Variants in CREB5 observed in about 807,000 individuals in gnomAD.
The protein encoded by CREB5 is cyclic AMP-responsive element-binding protein 5.
In CREB5, 19 loss-of-function variants were observed where a neutral mutation model predicts 57.1. The observed-to-expected ratio is 0.33, with a 90% CI of 0.23 to 0.49. CREB5 has a LOEUF of 0.49. Ranked by LOEUF, CREB5 falls within the 20% of genes least tolerant of loss-of-function variation. The probability of loss-of-function intolerance (pLI) is 0.99; values close to 1 mark genes in which losing one functional copy is unlikely to be tolerated. For missense variants in CREB5, 579 were observed against 671.6 expected (o/e 0.86, Z 1.52); for synonymous variants, 238 against 238.3 (o/e 1.00, Z 0.01).
At chr7:28,721,648 A>T (rs1350820018) in intron 6 of CREB5, among the ~76,000 whole-genome samples, 1 of 152,204 alleles carries the variant, frequency 6.6e-6, no homozygotes, top group Non-Finnish European at 1.5e-5. Context: ...AAAATGATGT[A>T]TTATTTCATT....
At chr7:28,655,566 G>T (rs1053633750) in intron 5 of CREB5, among the ~76,000 whole-genome samples, 1 of 152,106 alleles carries the variant, frequency 6.6e-6, no homozygotes, top group African/African-American at 2.4e-5. Context: ...TGTGAGCTGC[G>T]TTCATGCCAC....
intron 1 of CREB5, among the ~76,000 whole-genome samples, chr7:28,470,679 T>C (rs1166800754): frequency 6.6e-6 from 1 of 152,230 alleles, no homozygotes; most frequent in African/African-American, 2.4e-5. Context: ...ATTGTACTAA[T>C]TTACATTCCC....
chr7:28,776,443 A>G (rs1335729744), intron 7 of CREB5, among the ~76,000 whole-genome samples: 8 of 152,098 alleles, frequency 5.3e-5, no homozygotes, highest in Non-Finnish European at 1.0e-4. Flanking sequence ...AGAATTTGAC[A>G]TGAAAAATTT....
chr7:28,317,077 G>A (rs1785397658), intron 1 of CREB5, among the ~76,000 whole-genome samples: 1 of 150,510 alleles, frequency 6.6e-6, no homozygotes, highest in South Asian at 2.1e-4. Flanking sequence ...TAGGTACTTG[G>A]CAGAAATACA....
chr7:28,789,615 T>A (rs1329249318), intron 7 of CREB5, among the ~76,000 whole-genome samples: 1 of 152,224 alleles, frequency 6.6e-6, no homozygotes, highest in Non-Finnish European at 1.5e-5. Context: ...AGATCAAAAT[T>A]AAGCAAAGAG....
At chr7:28,661,866 A>T (rs555970022) in intron 5 of CREB5, among the ~76,000 whole-genome samples, 2 of 152,362 alleles carry the variant, frequency 1.3e-5, no homozygotes, top group African/African-American at 4.8e-5. Context: ...GGCAAATTGT[A>T]AACATTATAA....
intron 5 of CREB5, among the ~76,000 whole-genome samples, chr7:28,644,915 T>A (rs1294375827): frequency 2.0e-5 from 3 of 152,162 alleles, no homozygotes; most frequent in Non-Finnish European, 4.4e-5. Context: ...CAAAATCCAA[T>A]GAGTGTTTAT....
chr7:28,574,823 AT>A (rs1372935507), intron 5 of CREB5, among the ~76,000 whole-genome samples: 1 of 152,196 alleles, frequency 6.6e-6, no homozygotes, highest in Non-Finnish European at 1.5e-5. Context: ...ATATGAAGAC[AT>A]TTACGTAAAA....
intron 8 of CREB5, among the ~76,000 whole-genome samples, chr7:28,808,980 A>G (rs1013271237): frequency 1.2e-4 from 19 of 152,050 alleles, no homozygotes; most frequent in African/African-American, 4.3e-4. Flanking sequence ...TTGCCAACAC[A>G]TCATAGAATA....
intron 5 of CREB5, among the ~76,000 whole-genome samples, chr7:28,621,628 C>G (rs924334770): frequency 6.6e-6 from 1 of 152,004 alleles, no homozygotes; most frequent in Non-Finnish European, 1.5e-5. Flanking sequence ...AGAATTCAAC[C>G]CCGTTCATTT....
At chr7:28,377,329 A>G (rs552873660) in intron 1 of CREB5, among the ~76,000 whole-genome samples, 1 of 152,024 alleles carries the variant, frequency 6.6e-6, no homozygotes, top group Admixed American at 6.6e-5. Context: ...GTATGAAAAA[A>G]CTTTATACTG....
chr7:28,805,896 T>C (rs964765410), intron 8 of CREB5, among the ~76,000 whole-genome samples: 2 of 152,156 alleles, frequency 1.3e-5, no homozygotes, highest in African/African-American at 4.8e-5. Context: ...GTTCAAAATA[T>C]GTTATTCCAA....
At chr7:28,777,836 A>G (rs1430935564) in intron 7 of CREB5, among the ~76,000 whole-genome samples, 1 of 152,230 alleles carries the variant, frequency 6.6e-6, no homozygotes, top group Non-Finnish European at 1.5e-5. Context: ...TAATGCCAAG[A>G]AAAGAAAAAA....
chr7:28,809,863 A>T (rs1200973224), intron 9 of CREB5, among the ~76,000 whole-genome samples: 1 of 152,204 alleles, frequency 6.6e-6, no homozygotes, highest in Non-Finnish European at 1.5e-5. Context: ...CCTTCAGCTG[A>T]AAAGGAGCTT....
intron 1 of CREB5, among the ~76,000 whole-genome samples, chr7:28,304,946 G>T (rs1422122454): frequency 6.6e-6 from 1 of 152,142 alleles, no homozygotes; most frequent in South Asian, 2.1e-4. Context: ...TGTACTCTGG[G>T]AAGTATTTCT....
At chr7:28,689,095 T>G (rs1446969556) in intron 5 of CREB5, among the ~76,000 whole-genome samples, 1 of 152,188 alleles carries the variant, frequency 6.6e-6, no homozygotes, top group Non-Finnish European at 1.5e-5. Context: ...ACTATTTTGT[T>G]CTGTTTCATG....
intron 7 of CREB5, among the ~76,000 whole-genome samples, chr7:28,802,368 G>A (rs557962726): frequency 2.6e-5 from 4 of 152,080 alleles, no homozygotes; most frequent in South Asian, 4.2e-4. Context: ...TTTAATTAAG[G>A]ATTTTGATTA....
At chr7:28,514,805 C>T (rs1310818288) in intron 4 of CREB5, among the ~76,000 whole-genome samples, 2 of 152,174 alleles carry the variant, frequency 1.3e-5, no homozygotes, top group East Asian at 3.8e-4. Flanking sequence ...AGGCTGGAGT[C>T]TGAATTAGAA....
intron 1 of CREB5, among the ~76,000 whole-genome samples, chr7:28,314,294 T>C (rs1403946350): frequency 6.6e-6 from 1 of 152,232 alleles, no homozygotes; most frequent in African/African-American, 2.4e-5. Flanking sequence ...CAAGATGAGA[T>C]GACAGTGCCC....
Sources: allele counts gnomAD v4.1 joint callset (sites outside exome capture counted in the v4.1 genomes callset), GRCh38; gene constraint gnomAD v4.1.1; transcripts MANE v1.5; gene names NCBI Gene and HGNC (gene_info 2026-07-23, HGNC 2026-07-21).